CERS4: variants seen among roughly 807,000 people sequenced by gnomAD.
CERS4 encodes the protein LAG1 homolog, ceramide synthase 4.
A neutral mutation model predicts 51.8 loss-of-function variants in CERS4; 65 were observed. That is an observed-to-expected ratio of 1.26 (90% CI 1.03 to 1.54). CERS4 has a LOEUF of 1.54. Ranked by LOEUF, CERS4 falls within the 40% of genes most tolerant of loss-of-function variation. CERS4 has a pLI of 0.00. For missense variants in CERS4, 563 were observed against 500.4 expected (o/e 1.13, Z -1.19); for synonymous variants, 228 against 208.4 (o/e 1.09, Z -0.81).
At chr19:8,217,802 G>A (rs1012253783) in intron 2 of CERS4, among the ~76,000 whole-genome samples, 2 of 152,130 alleles carry the variant, frequency 1.3e-5, no homozygotes, top group Admixed American at 1.3e-4. Flanking sequence ...CTCCCAAAGT[G>A]TTGGGATTAC....
At chr19:8,243,850 C>G (rs1023302996) in intron 2 of CERS4, among the ~76,000 whole-genome samples, 6 of 152,084 alleles carry the variant, frequency 3.9e-5, no homozygotes, top group Admixed American at 2.0e-4. Flanking sequence ...TGCCCTCCCC[C>G]ACACCCACAA....
chr19:8,245,458 AGGCTGGTCTCAAACCCCT>A (rs990647557), intron 2 of CERS4, among the ~76,000 whole-genome samples: 7 of 151,928 alleles, frequency 4.6e-5, no homozygotes, highest in Admixed American at 3.3e-4. Context: ...TATGTTGTCC[AGGCTGGTCTCAAACCCCT>A]GGGTTCAAGC....
intron 2 of CERS4, among the ~76,000 whole-genome samples, chr19:8,249,796 G>A (rs1968983077): frequency 6.6e-6 from 1 of 151,612 alleles, no homozygotes; most frequent in Non-Finnish European, 1.5e-5. Flanking sequence ...TCACCATGTT[G>A]GCCAGGCTGG....
chr19:8,257,765 G>T (rs1263388201), intron 9 of CERS4, 114 bp from the exon 10 acceptor site: 2 of 749,538 alleles, frequency 2.7e-6, no homozygotes, highest in South Asian at 1.6e-5. Flanking sequence ...GAAAAGGTAG[G>T]TAGTTCCTGG....
intron 2 of CERS4, among the ~76,000 whole-genome samples, chr19:8,229,098 G>A (rs949615117): frequency 6.6e-6 from 1 of 151,954 alleles, no homozygotes; most frequent in East Asian, 1.9e-4. Context: ...GGCTGAGGCA[G>A]GCGGATCCCC....
intron 7 of CERS4, 151 bp downstream of exon 7, chr19:8,256,437 C>G: frequency 1.1e-6 from 1 of 932,820 alleles, no homozygotes; most frequent in Non-Finnish European, 1.5e-6. Context: ...TAGAGAGGGG[C>G]CAGAAAACCA....
At chr19:8,216,017 T>C (rs561259978) in intron 2 of CERS4, among the ~76,000 whole-genome samples, 3 of 152,082 alleles carry the variant, frequency 2.0e-5, no homozygotes, top group Non-Finnish European at 2.9e-5. Flanking sequence ...TCTAGAATGT[T>C]CTATCATCAG....
At chr19:8,209,866 C>T (rs1278383038) in intron 1 of CERS4, 1 of 152,228 alleles carries the variant, frequency 6.6e-6, no homozygotes, top group African/African-American at 2.4e-5. Flanking sequence ...GCCTCGGAGT[C>T]CGCAGCCCGG....
chr19:8,261,594 G>A (rs548486184), intron 10 of CERS4, 94 bp from the exon 11 acceptor site: 155 of 1,440,154 alleles, frequency 1.1e-4, no homozygotes, highest in Non-Finnish European at 1.5e-4. Context: ...AGGTGGTTAT[G>A]GAGCAGGGAA....
chr19:8,233,715 A>C (rs952374095), intron 2 of CERS4, among the ~76,000 whole-genome samples: 13 of 151,848 alleles, frequency 8.6e-5, no homozygotes, highest in African/African-American at 9.7e-5. Flanking sequence ...AAAATTAAAA[A>C]ATTTTTTAAT....
chr19:8,251,465 G>A (rs1238395714), intron 3 of CERS4, among the ~76,000 whole-genome samples: 1 of 152,162 alleles, frequency 6.6e-6, no homozygotes, highest in Non-Finnish European at 1.5e-5. Flanking sequence ...CTGGTTTATA[G>A]GAACACTGCA....
At position 8,216,611 on chromosome 19, in the gene CERS4, G is replaced by GA. The variant is rs528012171; in HGVS notation, c.-2+5757dup. Among the ~76,000 whole-genome samples the GA allele has an allele frequency of 1.2e-3, 177 of 151,832 alleles. 5 individuals are homozygous for GA. In the South Asian group the frequency reaches 0.036, roughly 31 times the overall value. On this transcript the variant is annotated intron_variant, in intron 2 of 11. Transcript: ENST00000251363. Reference sequence around the variant, plus strand: ...GGCAACATAGCAAGACCCCATTTCTGAAAAAAAATTAAGATATAGAGTCTT... The same window carrying GA: ...GGCAACATAGCAAGACCCCATTTCTGAAAAAAAAATTAAGATATAGAGTCTT...
intron 2 of CERS4, among the ~76,000 whole-genome samples, chr19:8,213,040 T>TTTTTG (rs1381980075): frequency 4.0e-5 from 6 of 151,630 alleles, no homozygotes. Context: ...TTCTTTCTTG[T>TTTTTG]TTTTGTTTTG....
At position 8,257,063 on chromosome 19, in the gene CERS4, G is replaced by A. The variant is rs969819801; in HGVS notation, c.727G>A (p.Asp243Asn). 6 of 1,602,520 alleles carry A rather than the reference G, an allele frequency of 3.7e-6. No homozygotes were observed. Among genetic ancestry groups the A allele is most frequent in the Non-Finnish European group, 4.3e-6 (5 of 1,172,964 alleles). ...SLVLLLHDSS[D>N]YLLEACKMVN... ...GGTGCTGCTGTTACACGATTCCTCT[G>A]ACTACCTGCTGGAGGTGGGCCCGAC... The change falls in exon 9 of 12, where the codon GAC becomes AAC. Residue 243 changes from aspartate (D) to asparagine (N), a missense_variant. Physicochemically the swap from Asp to Asn is conservative, Grantham distance 23 (BLOSUM62 1). Transcript: ENST00000251363.
chr19:8,261,183 C>T (rs60517522), intron 10 of CERS4: 37,479 of 154,062 alleles, frequency 0.24, 4,909 homozygotes, highest in African/African-American at 0.35. Context: ...TCCGGCTACC[C>T]GGGAGATGAG....
chr19:8,232,233 C>T (rs189170593), intron 2 of CERS4, among the ~76,000 whole-genome samples: 6 of 152,132 alleles, frequency 3.9e-5, no homozygotes, highest in East Asian at 3.9e-4. Flanking sequence ...GATTCCCTTC[C>T]GATTGCTACT....
intron 2 of CERS4, among the ~76,000 whole-genome samples, chr19:8,236,300 G>A (rs1214507918): frequency 2.6e-5 from 4 of 152,172 alleles, no homozygotes; most frequent in Admixed American, 6.5e-5. Context: ...CGAGAAAGAC[G>A]TTTCCTAACA....
At chr19:8,237,017 A>C (rs1439639385) in intron 2 of CERS4, among the ~76,000 whole-genome samples, 1 of 150,934 alleles carries the variant, frequency 6.6e-6, no homozygotes, top group Non-Finnish European at 1.5e-5. Flanking sequence ...AAAAAAAAAA[A>C]AAAAAAAAAA....
rs369640727 is a variant in CERS4, at chr19:8,240,909, T to C, written c.-1-10167T>C. ...CTCTCTTTCCCCCAATCTGGGGCTA[T>C]TTTTAGCCACTAAGAAGGATTATCA... On this transcript the variant is annotated intron_variant, in intron 2 of 11. Coordinates refer to ENST00000251363, the MANE Select transcript of CERS4 (RefSeq NM_024552.3). Among the ~76,000 whole-genome samples the C allele has an allele frequency of 6.6e-5, 10 of 152,158 alleles. No homozygotes were observed. The East Asian group carries it at 1.7e-3, about 27-fold the overall frequency.
Sources: allele counts gnomAD v4.1 joint callset (sites outside exome capture counted in the v4.1 genomes callset), GRCh38; gene constraint gnomAD v4.1.1; transcripts MANE v1.5; gene names NCBI Gene and HGNC (gene_info 2026-07-23, HGNC 2026-07-21).